KCNT2: variants seen among roughly 807,000 people sequenced by gnomAD.
The protein encoded by KCNT2 is potassium channel subfamily T member 2.
KCNT2 carries 67 observed loss-of-function variants against 153.8 expected under a neutral mutation model. The ratio of observed to expected loss-of-function variants is 0.44; its 90% CI spans 0.36 to 0.53. The LOEUF is 0.53. KCNT2 is among the 20% of genes least tolerant of loss of function. KCNT2 has a pLI of 0.00. For synonymous variants in KCNT2, 500 were observed against 458.8 expected, an observed-to-expected ratio of 1.09 and a Z score of -1.15; for missense variants, 975 against 1,354.8, an observed-to-expected ratio of 0.72 and a Z score of 4.40.
At chr1:196,508,181 C>A (rs1681301295) in intron 1 of KCNT2, among the ~76,000 whole-genome samples, 1 of 126,384 alleles carries the variant, frequency 7.9e-6, no homozygotes, top group Non-Finnish European at 1.6e-5. Flanking sequence ...AAATGGTTCC[C>A]TAAGTAGCAA....
At chr1:196,576,550 C>G (rs1661407172) in intron 1 of KCNT2, among the ~76,000 whole-genome samples, 1 of 151,870 alleles carries the variant, frequency 6.6e-6, no homozygotes, top group Non-Finnish European at 1.5e-5. Flanking sequence ...CTAAAAACAG[C>G]TGTAAGTTCT....
chr1:196,336,438 C>T (rs1665040776), intron 16 of KCNT2, among the ~76,000 whole-genome samples: 1 of 152,124 alleles, frequency 6.6e-6, no homozygotes, highest in African/African-American at 2.4e-5. Context: ...TACATCTTTT[C>T]ACTTCCTTAC....
chr1:196,330,530 C>T (rs909004960), intron 18 of KCNT2, among the ~76,000 whole-genome samples: 1 of 151,882 alleles, frequency 6.6e-6, no homozygotes, highest in African/African-American at 2.4e-5. Context: ...ATATAAGGTT[C>T]TTCCTTTTAT....
At chr1:196,582,563 G>A (rs939088346) in intron 1 of KCNT2, 1 of 154,236 alleles carries the variant, frequency 6.5e-6, no homozygotes, top group Non-Finnish European at 1.5e-5. Context: ...TAGAATGATA[G>A]AGGGCAAGTT....
At position 196,455,512 on chromosome 1, in the gene KCNT2, C is replaced by A. The variant is rs574801782; in HGVS notation, c.638+9781G>T. The stretch of plus-strand genomic sequence containing the variant: ...AGACTCACATCTTTCCTCAAAACAG[C>A]ATACCTTCTTTTCCTATTATTTGTT... On this transcript the variant is annotated intron_variant, in intron 8 of 27. Transcript: ENST00000294725. 5.9e-5 allele frequency among the ~76,000 whole-genome samples: 9 copies of A among 152,012 alleles called. No individual in the cohort carries two copies. The South Asian group carries it at 1.5e-3, about 25-fold the overall frequency.
intron 22 of KCNT2, among the ~76,000 whole-genome samples, chr1:196,302,437 C>G (rs1661270995): frequency 6.6e-6 from 1 of 152,038 alleles, no homozygotes; most frequent in African/African-American, 2.4e-5. Context: ...AGATTTATTG[C>G]CTTACAGTCA....
chr1:196,453,491 A>T (rs1572507904), intron 8 of KCNT2, among the ~76,000 whole-genome samples: 1 of 151,960 alleles, frequency 6.6e-6, no homozygotes, highest in African/African-American at 2.4e-5. Context: ...GAGTACTTCT[A>T]TAATGTTGCC....
chr1:196,247,145 C>T lies in KCNT2; in HGVS notation c.3211+11049G>A, dbSNP rs539689674. On this transcript the variant is annotated intron_variant, in intron 26 of 27. Transcript: ENST00000294725. ...AAGACTAGGAGAAATGTTTTTACAT[C>T]AGATAAAATAGATTTCAAGGTAAAA... 3.9e-5 allele frequency among the ~76,000 whole-genome samples: 6 copies of T among 152,012 alleles called. No individual in the cohort carries two copies. In the South Asian group the frequency reaches 1.2e-3, roughly 32 times the overall value.
chr1:196,229,859 G>C (rs1653797608), intron 27 of KCNT2, among the ~76,000 whole-genome samples: 1 of 152,038 alleles, frequency 6.6e-6, no homozygotes, highest in Admixed American at 6.6e-5. Flanking sequence ...TTCTCTGAAA[G>C]GTGAGGGAAG....
intron 12 of KCNT2, among the ~76,000 whole-genome samples, chr1:196,415,732 A>G (rs1672700525): frequency 1.3e-5 from 2 of 151,830 alleles, no homozygotes; most frequent in Admixed American, 1.3e-4. Flanking sequence ...AAAGGAGCAG[A>G]GATACTGTAC....
At chr1:196,279,427 T>C (rs920936465) in intron 25 of KCNT2, among the ~76,000 whole-genome samples, 1 of 151,844 alleles carries the variant, frequency 6.6e-6, no homozygotes, top group African/African-American at 2.4e-5. Flanking sequence ...AAAAATTTTT[T>C]TTTATTATTA....
intron 1 of KCNT2, among the ~76,000 whole-genome samples, chr1:196,513,571 A>G (rs1293019511): frequency 1.3e-5 from 2 of 152,208 alleles, no homozygotes; most frequent in Non-Finnish European, 2.9e-5. Flanking sequence ...ACTTTTAAGA[A>G]AAAAATGAAC....
chr1:196,300,475 C>T (rs934068580), intron 22 of KCNT2, among the ~76,000 whole-genome samples: 2 of 152,092 alleles, frequency 1.3e-5, no homozygotes, highest in Non-Finnish European at 2.9e-5. Flanking sequence ...ATTTAGCTGA[C>T]CTTCCACTGA....
At chr1:196,254,114 C>A (rs1656246201) in intron 26 of KCNT2, among the ~76,000 whole-genome samples, 1 of 151,334 alleles carries the variant, frequency 6.6e-6, no homozygotes, top group Admixed American at 6.6e-5. Flanking sequence ...TACTACCTAT[C>A]ATTAACTCAT....
At chr1:196,368,911 C>T (rs80065330) in intron 14 of KCNT2, among the ~76,000 whole-genome samples, 2 of 152,114 alleles carry the variant, frequency 1.3e-5, no homozygotes, top group Non-Finnish European at 2.9e-5. Context: ...TTTCCTTCTG[C>T]CAACTATGTA....
intron 21 of KCNT2, among the ~76,000 whole-genome samples, chr1:196,314,154 C>A (rs1353027624): frequency 6.6e-6 from 1 of 151,280 alleles, no homozygotes; most frequent in African/African-American, 2.4e-5. Flanking sequence ...AATAATTCAT[C>A]CAGAGAATAT....
chr1:196,259,871 A>G (rs969299346), intron 25 of KCNT2, among the ~76,000 whole-genome samples: 2 of 151,964 alleles, frequency 1.3e-5, no homozygotes, highest in African/African-American at 4.8e-5. Flanking sequence ...TCTAAGCATT[A>G]AAAGTTTTTA....
intron 5 of KCNT2, among the ~76,000 whole-genome samples, chr1:196,470,992 T>G (rs900206486): frequency 1.3e-5 from 2 of 150,400 alleles, no homozygotes; most frequent in African/African-American, 4.9e-5. Context: ...GCCATTCTCC[T>G]GCCTCAGCCT....
At chr1:196,242,773 T>C (rs1283305174) in intron 26 of KCNT2, among the ~76,000 whole-genome samples, 1 of 152,166 alleles carries the variant, frequency 6.6e-6, no homozygotes, top group African/African-American at 2.4e-5. Flanking sequence ...AGCTTCATAC[T>C]ATATAATACA....
Sources: allele counts gnomAD v4.1 joint callset (sites outside exome capture counted in the v4.1 genomes callset), GRCh38; gene constraint gnomAD v4.1.1; transcripts MANE v1.5; gene names NCBI Gene and HGNC (gene_info 2026-07-23, HGNC 2026-07-21).